The following IFT80 variants were observed in gnomAD, a reference collection of about 807,000 sequenced individuals.
The protein encoded by IFT80 is intraflagellar transport protein 80 homolog.
IFT80 carries 79 observed loss-of-function variants against 107.9 expected under a neutral mutation model. The ratio of observed to expected loss-of-function variants is 0.73; its 90% CI spans 0.61 to 0.88. IFT80 has a LOEUF of 0.88. IFT80 is among the 40% of genes least tolerant of loss of function. The probability of loss-of-function intolerance (pLI) is 0.00; values close to 1 mark genes in which losing one functional copy is unlikely to be tolerated. For synonymous variants in IFT80, 299 were observed against 300.9 expected (o/e 0.99, Z 0.07); for missense variants, 797 against 914.2 (o/e 0.87, Z 1.65).
intron 12 of IFT80, among the ~76,000 whole-genome samples, chr3:160,286,313 T>G (rs936198959): frequency 6.6e-6 from 1 of 152,146 alleles, no homozygotes; most frequent in African/African-American, 2.4e-5. Flanking sequence ...TGGGGGAGAA[T>G]CAGAGAGTGA....
At chr3:160,314,272 G>A (rs1717623373) in intron 9 of IFT80, among the ~76,000 whole-genome samples, 1 of 152,106 alleles carries the variant, frequency 6.6e-6, no homozygotes, top group South Asian at 2.1e-4. Flanking sequence ...CCTAAAGTTA[G>A]AGTGGCAGGA....
At chr3:160,323,407 G>GGTACCA (rs1482237696) in intron 8 of IFT80, among the ~76,000 whole-genome samples, 4 of 151,570 alleles carry the variant, frequency 2.6e-5, no homozygotes, top group Non-Finnish European at 5.9e-5. Flanking sequence ...TCTCTGTTTT[G>GGTACCA]GTACCAGTAC....
At position 160,258,465 on chromosome 3, in the gene IFT80, A is replaced by G. The variant is rs1457973132; in HGVS notation, c.*60T>C. ...TTTCTTTAGCAACCAAAACATGCTT[A>G]CCCTTGGTTAATCAGAACGTGTTTC... On this transcript the variant is annotated 3_prime_UTR_variant, in exon 20 of 20. Coordinates refer to ENST00000326448, the MANE Select transcript of IFT80 (RefSeq NM_020800.3). 2 of 1,607,458 alleles carry G rather than the reference A, an allele frequency of 1.2e-6. No individual in the cohort carries two copies. The highest frequency in any genetic ancestry group is 1.7e-6 in the Non-Finnish European group (2 of 1,176,546).
chr3:160,269,462 A>C (rs904615780), intron 18 of IFT80, among the ~76,000 whole-genome samples: 8 of 152,182 alleles, frequency 5.3e-5, no homozygotes, highest in Admixed American at 6.5e-5. Flanking sequence ...TCTCAGGAAA[A>C]GTTGACAGTC....
chr3:160,333,306 T>C (rs574218800), intron 8 of IFT80, among the ~76,000 whole-genome samples: 30 of 152,316 alleles, frequency 2.0e-4, no homozygotes, highest in South Asian at 1.9e-3. Context: ...ATCAATTTTA[T>C]AAACACTGTA....
At chr3:160,355,626 C>T (rs1352024716) in intron 8 of IFT80, among the ~76,000 whole-genome samples, 2 of 151,094 alleles carry the variant, frequency 1.3e-5, no homozygotes, top group East Asian at 1.9e-4. Flanking sequence ...ATCGAGATTT[C>T]GTATGAAACA....
chr3:160,386,690 C>A (rs1029803223), intron 1 of IFT80, among the ~76,000 whole-genome samples: 2 of 152,206 alleles, frequency 1.3e-5, no homozygotes, highest in African/African-American at 4.8e-5. Flanking sequence ...CCACCATCCC[C>A]TGCCTCAATT....
chr3:160,286,691 G>A (rs976140470), intron 12 of IFT80, among the ~76,000 whole-genome samples: 1 of 152,118 alleles, frequency 6.6e-6, no homozygotes, highest in Non-Finnish European at 1.5e-5. Context: ...ATATTTTGGG[G>A]TATCAGTTTC....
At chr3:160,282,352 T>C (rs1714749048) in intron 14 of IFT80, 126 bp downstream of exon 14, 1 of 685,450 alleles carries the variant, frequency 1.5e-6, no homozygotes, top group Non-Finnish European at 2.4e-6. Flanking sequence ...AAAAAAAGGG[T>C]TAAATAGCTA....
In IFT80 at chr3:160,320,571, G is replaced by GA. The variant is rs1195945493; in HGVS notation, c.778-633dup. 7.9e-5 allele frequency among the ~76,000 whole-genome samples: 12 copies of GA among 151,294 alleles called. No individual in the cohort carries two copies. The East Asian group carries it at 2.3e-3, about 29-fold the overall frequency. On this transcript the variant is annotated intron_variant, in intron 8 of 19. Coordinates refer to ENST00000326448, the MANE Select transcript of IFT80 (RefSeq NM_020800.3). Reference sequence around the variant, plus strand: ...GTGTGTGTCTATAAATAAGACATAAGAAAAAAACAAACTTTTTAATACATG... The same window carrying GA: ...GTGTGTGTCTATAAATAAGACATAAGAAAAAAAACAAACTTTTTAATACATG...
chr3:160,384,881 C>T (rs1300854934), intron 1 of IFT80, among the ~76,000 whole-genome samples: 2 of 152,192 alleles, frequency 1.3e-5, no homozygotes, highest in East Asian at 3.8e-4. Context: ...GACAGATCTA[C>T]GCAGAACACC....
chr3:160,397,273 T>C (rs1159468725), intron 1 of IFT80, among the ~76,000 whole-genome samples: 1 of 152,212 alleles, frequency 6.6e-6, no homozygotes, highest in East Asian at 1.9e-4. Flanking sequence ...TCTTTCCCCT[T>C]TAACATACCC....
At position 160,257,697 on chromosome 3, in the gene IFT80, T is replaced by C. The variant is rs2108188278; in HGVS notation, c.*828A>G. 1.3e-5 allele frequency: 2 copies of C among 152,306 alleles called. No individual in the cohort carries two copies. The highest frequency in any genetic ancestry group is 2.9e-5 in the Non-Finnish European group (2 of 68,024). 9.4% of individuals were successfully genotyped at this position (152,306 alleles called of 1,614,324 possible). The stretch of plus-strand genomic sequence containing the variant: ...GTTGAGCAACCATCATCGCTATCCA[T>C]TTCCAGAATTTGTTCATCCCAAACA... On this transcript the variant is annotated 3_prime_UTR_variant, in exon 20 of 20. Coordinates refer to ENST00000326448, the MANE Select transcript of IFT80 (RefSeq NM_020800.3).
chr3:160,300,758 G>C, intron 12 of IFT80, 125 bp downstream of exon 12: 1 of 727,168 alleles, frequency 1.4e-6, no homozygotes, highest in Non-Finnish European at 2.2e-6. Flanking sequence ...AAAATAGAAA[G>C]CTCATAATTC....
chr3:160,397,404 T>C (rs1713861647), intron 1 of IFT80, among the ~76,000 whole-genome samples: 1 of 152,226 alleles, frequency 6.6e-6, no homozygotes, highest in Admixed American at 6.5e-5. Context: ...TTCAAGATCC[T>C]TCAGGAGCTA....
intron 12 of IFT80, among the ~76,000 whole-genome samples, chr3:160,296,321 A>C (rs139991635): frequency 8.3e-4 from 127 of 152,258 alleles, no homozygotes; most frequent in African/African-American, 3.0e-3. Context: ...GTAACAGCTC[A>C]ATTTCCCTCA....
intron 10 of IFT80, among the ~76,000 whole-genome samples, chr3:160,305,682 T>C (rs1319176015): frequency 1.3e-5 from 2 of 152,144 alleles, no homozygotes; most frequent in African/African-American, 4.8e-5. Flanking sequence ...AAAAATCAAA[T>C]GAAAATTTAA....
chr3:160,352,446 A>AT (rs1720782026), intron 8 of IFT80, among the ~76,000 whole-genome samples: 1 of 152,182 alleles, frequency 6.6e-6, no homozygotes, highest in Non-Finnish European at 1.5e-5. Flanking sequence ...AATTCAAGGT[A>AT]TTTTTTCTAC....
At position 160,384,616 on chromosome 3, in the gene IFT80, A is replaced by C; in HGVS notation, c.-16T>G. 6.3e-7 allele frequency: 1 copy of C among 1,585,436 alleles called. No individual in the cohort carries two copies. The highest frequency in any genetic ancestry group is 8.7e-7 in the Non-Finnish European group (1 of 1,154,520). On this transcript the variant is annotated 5_prime_UTR_variant, in exon 2 of 20. Transcript: ENST00000326448. ...TTAGTCTCATGACTCCACTTCCAGC[A>C]AAAATTTAAGATGCCACTTGATTGT...
Sources: allele counts gnomAD v4.1 joint callset (sites outside exome capture counted in the v4.1 genomes callset), GRCh38; gene constraint gnomAD v4.1.1; transcripts MANE v1.5; gene names NCBI Gene and HGNC (gene_info 2026-07-23, HGNC 2026-07-21).